The following PPP1R14C variants were observed in gnomAD, a reference collection of about 807,000 sequenced individuals.
PPP1R14C encodes protein phosphatase 1 regulatory subunit 14C.
In PPP1R14C, 16 loss-of-function variants were observed where a neutral mutation model predicts 20.4. The observed-to-expected ratio is 0.78, with a 90% CI of 0.53 to 1.19. The LOEUF is 1.19. Ranked by LOEUF, PPP1R14C falls within the 50% of genes most tolerant of loss-of-function variation. PPP1R14C has a pLI of 0.00. For missense variants in PPP1R14C, 211 were observed against 220.1 expected (o/e 0.96, Z 0.26); for synonymous variants, 91 against 91.0 (o/e 1.00, Z 0.00).
chr6:150,203,277 T>C (rs1747428444), intron 1 of PPP1R14C, among the ~76,000 whole-genome samples: 1 of 152,252 alleles, frequency 6.6e-6, no homozygotes, highest in Non-Finnish European at 1.5e-5. Flanking sequence ...CATATTTTAG[T>C]CTTTTCCAGA....
At chr6:150,216,787 AAAT>A (rs750258785) in intron 2 of PPP1R14C, 34 bp from the exon 3 acceptor site, 1 of 1,461,710 alleles carries the variant, frequency 6.8e-7, no homozygotes, top group African/African-American at 1.4e-5. Context: ...CTGAATTTTA[AAAT>A]AATAAAACTG....
intron 1 of PPP1R14C, among the ~76,000 whole-genome samples, chr6:150,192,869 C>G (rs1777762878): frequency 6.6e-6 from 1 of 152,132 alleles, no homozygotes; most frequent in Non-Finnish European, 1.5e-5. Flanking sequence ...AGTGTCTCAT[C>G]TTTCAGGGCC....
At chr6:150,184,986 A>G (rs2114882129) in intron 1 of PPP1R14C, among the ~76,000 whole-genome samples, 1 of 152,298 alleles carries the variant, frequency 6.6e-6, no homozygotes, top group Non-Finnish European at 1.5e-5. Flanking sequence ...CCTCATGCCC[A>G]TGGTTGGGCA....
chr6:150,239,374 G>C (rs1383274998), intron 3 of PPP1R14C, among the ~76,000 whole-genome samples: 4 of 152,190 alleles, frequency 2.6e-5, no homozygotes, highest in African/African-American at 9.7e-5. Context: ...GCCATACAAA[G>C]TGTGTTCTTT....
At position 150,214,803 on chromosome 6, in the gene PPP1R14C, T is replaced by C; in HGVS notation, c.366T>C (p.Asp122=). 2 of 1,612,030 alleles carry C rather than the reference T, an allele frequency of 1.2e-6. No individual in the cohort carries two copies. The highest frequency in any genetic ancestry group is 8.5e-7 in the Non-Finnish European group (1 of 1,179,202). The part of the protein sequence containing the change: ...DIDDLLDADS[D]EERASKLQEA... ...ATGATCTTCTTGATGCAGACAGTGA[T>C]GAAGAGAGAGCTTCAAAATTACAGG... The change falls in exon 2 of 4, where the codon GAT becomes GAC. Residue 122 remains aspartate (D), a synonymous_variant. Coordinates refer to ENST00000361131, the MANE Select transcript of PPP1R14C (RefSeq NM_030949.3).
At chr6:150,217,941 A>G (rs1393226292) in intron 3 of PPP1R14C, among the ~76,000 whole-genome samples, 1 of 152,232 alleles carries the variant, frequency 6.6e-6, no homozygotes, top group Middle Eastern at 3.2e-3. Context: ...TCCAACCTCC[A>G]GCTTTGATTA....
intron 3 of PPP1R14C, among the ~76,000 whole-genome samples, chr6:150,218,487 A>ACCCC (rs1778127394): frequency 1.6e-5 from 1 of 61,422 alleles, no homozygotes; most frequent in Non-Finnish European, 3.5e-5. Flanking sequence ...CCCCCCCCCA[A>ACCCC]AAAAAAATTC....
intron 3 of PPP1R14C, among the ~76,000 whole-genome samples, chr6:150,223,964 G>A (rs770513323): frequency 6.6e-6 from 1 of 152,104 alleles, no homozygotes; most frequent in Admixed American, 6.5e-5. Context: ...ATTACCTTTT[G>A]GGAGATTTAT....
At chr6:150,144,942 G>A (rs998645525) in intron 1 of PPP1R14C, among the ~76,000 whole-genome samples, 6 of 152,090 alleles carry the variant, frequency 3.9e-5, no homozygotes, top group Non-Finnish European at 7.4e-5. Context: ...TGGATGAGTG[G>A]ATGTGCTCAG....
chr6:150,167,973 T>TCCTCCCCTTTCTCTCCTCCCCCTTTCTCC (rs1777446032), intron 1 of PPP1R14C, among the ~76,000 whole-genome samples: 21 of 28,164 alleles, frequency 7.5e-4, no homozygotes, highest in Admixed American at 1.4e-3. Flanking sequence ...CCTCTTTCTC[T>TCCTCCCCTTTCTCTCCTCCCCCTTTCTCC]CCTTCTCTCC....
At chr6:150,229,476 T>A (rs984835031) in intron 3 of PPP1R14C, among the ~76,000 whole-genome samples, 1 of 152,172 alleles carries the variant, frequency 6.6e-6, no homozygotes, top group Non-Finnish European at 1.5e-5. Flanking sequence ...GCTGTAAGAT[T>A]GAATCTAGGG....
chr6:150,187,247 C>CTGTG (rs61153538), intron 1 of PPP1R14C, among the ~76,000 whole-genome samples: 16,606 of 141,332 alleles, frequency 0.12, 1,022 homozygotes, highest in Non-Finnish European at 0.15. Flanking sequence ...TTCTCTTTCT[C>CTGTG]TGTGTGTGTG....
chr6:150,237,367 C>A (rs538817332), intron 3 of PPP1R14C, among the ~76,000 whole-genome samples: 14 of 152,086 alleles, frequency 9.2e-5, no homozygotes, highest in Non-Finnish European at 1.8e-4. Flanking sequence ...CCATGCCCTG[C>A]TAATTTTGTG....
intron 3 of PPP1R14C, among the ~76,000 whole-genome samples, chr6:150,248,126 G>A (rs1313373305): frequency 1.3e-5 from 2 of 152,106 alleles, no homozygotes; most frequent in East Asian, 1.9e-4. Flanking sequence ...CATCTTGGGG[G>A]CCCTACTCTG....
At chr6:150,152,165 C>T (rs1777256398) in intron 1 of PPP1R14C, among the ~76,000 whole-genome samples, 1 of 149,072 alleles carries the variant, frequency 6.7e-6, no homozygotes, top group African/African-American at 2.5e-5. Flanking sequence ...TGATTGCAAA[C>T]CTTGTCCTTC....
At chr6:150,215,140 GC>G (rs2114910835) in intron 2 of PPP1R14C, among the ~76,000 whole-genome samples, 1 of 152,344 alleles carries the variant, frequency 6.6e-6, no homozygotes, top group African/African-American at 2.4e-5. Context: ...GGGAAGTGAT[GC>G]CCCACAGTTG....
chr6:150,208,366 C>T (rs1400980353), intron 1 of PPP1R14C, among the ~76,000 whole-genome samples: 1 of 152,122 alleles, frequency 6.6e-6, no homozygotes, highest in African/African-American at 2.4e-5. Context: ...TGAAAGCTTC[C>T]AGGATCCTCC....
chr6:150,210,017 T>TTG (rs374067296), intron 1 of PPP1R14C, among the ~76,000 whole-genome samples: 37 of 151,224 alleles, frequency 2.4e-4, no homozygotes, highest in East Asian at 1.4e-3. Flanking sequence ...GTGTATATAT[T>TTG]TGTGTGTGTG....
intron 1 of PPP1R14C, among the ~76,000 whole-genome samples, chr6:150,154,670 C>T (rs1777286310): frequency 6.6e-6 from 1 of 152,196 alleles, no homozygotes; most frequent in South Asian, 2.1e-4. Flanking sequence ...AAAGGGCCAT[C>T]GAATTTGCAG....
Sources: allele counts gnomAD v4.1 joint callset (sites outside exome capture counted in the v4.1 genomes callset), GRCh38; gene constraint gnomAD v4.1.1; transcripts MANE v1.5; gene names NCBI Gene and HGNC (gene_info 2026-07-23, HGNC 2026-07-21).